TBC1D8: variants seen among roughly 807,000 people sequenced by gnomAD.
TBC1D8 encodes BUB2-like protein 1.
Under a neutral mutation model 118.8 loss-of-function variants are expected in TBC1D8, and 65 were observed. The ratio of observed to expected loss-of-function variants is 0.55; its 90% confidence interval spans 0.45 to 0.67. TBC1D8 has a LOEUF of 0.67. Ranked by LOEUF, TBC1D8 falls within the 30% of genes least tolerant of loss-of-function variation. TBC1D8 has a pLI of 0.00. For synonymous variants in TBC1D8, 566 were observed against 595.8 expected (o/e 0.95, Z 0.73); for missense variants, 1,376 against 1,471.2 (o/e 0.94, Z 1.06).
intron 1 of TBC1D8, among the ~76,000 whole-genome samples, chr2:101,104,381 T>C (rs553496708): frequency 6.6e-6 from 1 of 152,332 alleles, no homozygotes; most frequent in East Asian, 1.9e-4. Context: ...GATATAAAAA[T>C]GTCAAGATAT....
At chr2:101,022,232 C>T in intron 16 of TBC1D8, 49 bp downstream of exon 16, 5 of 1,611,410 alleles carry the variant, frequency 3.1e-6, no homozygotes, top group Non-Finnish European at 4.2e-6. Context: ...GTTCTGCTCA[C>T]AGACCCACAC....
At chr2:101,135,417 T>TAA (rs547748570) in intron 1 of TBC1D8, among the ~76,000 whole-genome samples, 2 of 142,614 alleles carry the variant, frequency 1.4e-5, no homozygotes, top group East Asian at 2.0e-4. Context: ...GCTCAACTAA[T>TAA]AAAAAAAAAA....
chr2:101,084,378 G>A (rs1347837404), intron 2 of TBC1D8, among the ~76,000 whole-genome samples: 11 of 152,164 alleles, frequency 7.2e-5, no homozygotes, highest in Non-Finnish European at 1.0e-4. Context: ...GCGAAAACCC[G>A]TCTCCACTAA....
chr2:101,025,473 C>A (rs192478531), intron 15 of TBC1D8, among the ~76,000 whole-genome samples: 8 of 152,284 alleles, frequency 5.3e-5, no homozygotes, highest in African/African-American at 1.9e-4. Context: ...GTGATTCGGC[C>A]TCCCAAAGTG....
chr2:101,033,827 G>C, intron 9 of TBC1D8, 69 bp from the exon 10 acceptor site: 1 of 1,527,106 alleles, frequency 6.5e-7, no homozygotes, highest in East Asian at 2.3e-5. Context: ...AGAAGATGCT[G>C]GTCCCATCAG....
At chr2:101,103,394 T>G (rs1453337088) in intron 1 of TBC1D8, among the ~76,000 whole-genome samples, 8 of 149,914 alleles carry the variant, frequency 5.3e-5, no homozygotes, top group South Asian at 4.2e-4. Flanking sequence ...TTCTTTTTTT[T>G]TTTTTTTCTT....
intron 1 of TBC1D8, among the ~76,000 whole-genome samples, chr2:101,121,657 G>C (rs930814787): frequency 1.3e-5 from 2 of 152,248 alleles, no homozygotes; most frequent in Non-Finnish European, 2.9e-5. Flanking sequence ...CATCCTGCTG[G>C]TGTTTCTGTT....
Position 101,050,578 on chromosome 2 carries a change from G to A in TBC1D8, c.695C>T (p.Thr232Met), listed in dbSNP as rs533724239. ...KLERTSNVFLTDTIRITTQNK... is the reference protein window; with the variant it reads ...KLERTSNVFLMDTIRITTQNK... ...CTGCGTGGTGATTCGGATGGTATCC[G>A]TCAGAAAGACATTGGACGTTCTTTC... Residue 232 changes from threonine (T) to methionine (M), a missense_variant, in exon 5 of 20, where the codon ACG becomes ATG. By Grantham distance (81) the Thr-to-Met change is moderately conservative (BLOSUM62 -1). Transcript: ENST00000409318. 9.3e-6 allele frequency: 15 copies of A among 1,613,956 alleles called. No individual in the cohort carries two copies. Among genetic ancestry groups the A allele is most frequent in the African/African-American group, 1.3e-5 (1 of 75,034 alleles).
intron 1 of TBC1D8, among the ~76,000 whole-genome samples, chr2:101,122,038 C>G (rs936463270): frequency 2.6e-5 from 4 of 151,176 alleles, no homozygotes; most frequent in African/African-American, 9.7e-5. Context: ...TGCACTCCAG[C>G]CTGGGCATCG....
chr2:101,030,736 G>A (rs963346167), intron 11 of TBC1D8, among the ~76,000 whole-genome samples: 1 of 152,138 alleles, frequency 6.6e-6, no homozygotes, highest in African/African-American at 2.4e-5. Context: ...TCCAAGACTG[G>A]AAACAACTCA....
chr2:101,038,467 A>G lies in TBC1D8; in HGVS notation c.1269T>C (p.Asp423=). ...GGGTCTGGAGGGACCATACCATGTC[A>G]TCATCCGCAGAGGTGTCGTAGTGCA... ...HPVHYDTSAD[D]DMASLVFHST... The change falls in exon 7 of 20, where the codon GAT becomes GAC. Residue 423 remains aspartate, a synonymous_variant. Transcript: ENST00000409318. 1 of 1,613,526 alleles carries G rather than the reference A, an allele frequency of 6.2e-7. No homozygotes were observed. The highest frequency in any genetic ancestry group is 8.5e-7 in the Non-Finnish European group (1 of 1,179,724).
intron 5 of TBC1D8, among the ~76,000 whole-genome samples, chr2:101,048,068 G>C (rs1006978153): frequency 6.6e-6 from 1 of 152,172 alleles, no homozygotes; most frequent in Non-Finnish European, 1.5e-5. Flanking sequence ...TCCGACTCCT[G>C]CAACTACACG....
At chr2:101,016,243 G>A (rs994254378) in intron 17 of TBC1D8, among the ~76,000 whole-genome samples, 4 of 152,014 alleles carry the variant, frequency 2.6e-5, no homozygotes, top group South Asian at 2.1e-4. Context: ...AACAAACAAC[G>A]CCATCAAAAA....
chr2:101,133,079 G>C (rs1043250405), intron 1 of TBC1D8, among the ~76,000 whole-genome samples: 1 of 150,136 alleles, frequency 6.7e-6, no homozygotes, highest in Non-Finnish European at 1.5e-5. Flanking sequence ...AGAATTGCTT[G>C]AACCCGGGAG....
At chr2:101,109,090 G>C (rs904896288) in intron 1 of TBC1D8, among the ~76,000 whole-genome samples, 5 of 152,206 alleles carry the variant, frequency 3.3e-5, no homozygotes, top group South Asian at 2.1e-4. Flanking sequence ...AGAAGCGGGG[G>C]AGAGTGACCC....
chr2:101,105,607 AAC>A (rs1677155037), intron 1 of TBC1D8, among the ~76,000 whole-genome samples: 1 of 72,480 alleles, frequency 1.4e-5, no homozygotes, highest in Non-Finnish European at 3.1e-5. Context: ...AAAAAAAAAA[AAC>A]ATATATATAT....
At chr2:101,107,229 A>C (rs974713300) in intron 1 of TBC1D8, among the ~76,000 whole-genome samples, 2 of 152,216 alleles carry the variant, frequency 1.3e-5, no homozygotes, top group African/African-American at 4.8e-5. Context: ...ACTCAGGTTC[A>C]GCTTACTATA....
intron 5 of TBC1D8, among the ~76,000 whole-genome samples, chr2:101,043,207 G>A (rs540184939): frequency 1.5e-4 from 23 of 152,296 alleles, no homozygotes; most frequent in African/African-American, 5.1e-4. Context: ...TTCCACGGGC[G>A]CCTGAGCTGC....
At chr2:101,050,773 C>T (rs1682022455) in intron 4 of TBC1D8, 132 bp from the exon 5 acceptor site, 1 of 1,018,470 alleles carries the variant, frequency 9.8e-7, no homozygotes, top group Non-Finnish European at 1.4e-6. Context: ...CTTTTAAGTT[C>T]AGGGATACAG....
Sources: gnomAD v4.1 joint callset for allele counts (sites outside exome capture counted in the v4.1 genomes callset) on GRCh38, gnomAD v4.1.1 for gene constraint, MANE v1.5 for transcripts, NCBI Gene and HGNC (gene_info 2026-07-23, HGNC 2026-07-21) for gene names.